The following VAV3 variants were observed in gnomAD, a reference collection of about 807,000 sequenced individuals.
The protein encoded by VAV3 is vav guanine nucleotide exchange factor 3.
In VAV3, 94 loss-of-function variants were observed where a neutral mutation model predicts 131.2. The observed-to-expected ratio is 0.72, with a 90% CI of 0.61 to 0.85. The LOEUF is 0.85. Ranked by LOEUF, VAV3 falls within the 40% of genes least tolerant of loss-of-function variation. VAV3 has a pLI of 0.00. For missense variants in VAV3, 939 were observed against 1,002.7 expected (o/e 0.94, Z 0.86); for synonymous variants, 349 against 342.0 (o/e 1.02, Z -0.22).
intron 20 of VAV3, among the ~76,000 whole-genome samples, chr1:107,625,787 T>C (rs1049636835): frequency 1.2e-4 from 18 of 152,192 alleles, no homozygotes; most frequent in African/African-American, 4.1e-4. Context: ...CCACAACTCT[T>C]AAGGGCATGT....
intron 2 of VAV3, among the ~76,000 whole-genome samples, chr1:107,812,901 A>G (rs541778766): frequency 6.6e-6 from 1 of 152,298 alleles, no homozygotes; most frequent in South Asian, 2.1e-4. Context: ...AGGCAGGCGG[A>G]TCACGAGATC....
At chr1:107,818,726 T>C (rs1667663327) in intron 2 of VAV3, among the ~76,000 whole-genome samples, 2 of 152,068 alleles carry the variant, frequency 1.3e-5, no homozygotes, top group Admixed American at 1.3e-4. Flanking sequence ...TATACATAAG[T>C]AGTAAAAATA....
intron 19 of VAV3, 58 bp from the exon 20 acceptor site, chr1:107,642,813 A>C: frequency 6.3e-7 from 1 of 1,598,606 alleles, no homozygotes; most frequent in East Asian, 2.2e-5. Context: ...TGAAGTCTAC[A>C]TGAACTTTAC....
chr1:107,609,072 T>G (rs1282626242), intron 22 of VAV3, among the ~76,000 whole-genome samples: 1 of 151,520 alleles, frequency 6.6e-6, no homozygotes, highest in Non-Finnish European at 1.5e-5. Context: ...TTGCATGCTC[T>G]GTTTCTTTGT....
chr1:107,575,710 T>G (rs548337237), intron 25 of VAV3, among the ~76,000 whole-genome samples: 1 of 152,212 alleles, frequency 6.6e-6, no homozygotes, highest in Non-Finnish European at 1.5e-5. Context: ...GCCACATTTT[T>G]TCTCATCTAT....
chr1:107,827,183 T>G (rs981058923), intron 2 of VAV3, among the ~76,000 whole-genome samples: 2 of 152,096 alleles, frequency 1.3e-5, no homozygotes, highest in African/African-American at 2.4e-5. Flanking sequence ...CTAAATAAAA[T>G]TTTCTGTGAC....
Position 107,964,723 on chromosome 1 carries a change from GT to G in VAV3, c.146del (p.Asn49ThrfsTer9). 1 of 1,614,100 alleles carries G rather than the reference GT, an allele frequency of 6.2e-7. No homozygotes were observed. The highest frequency in any genetic ancestry group is 1.1e-5 in the South Asian group (1 of 91,068). On this transcript the variant is annotated frameshift_variant, in exon 1 of 27. Transcript: ENST00000370056. LOFTEE classifies it high-confidence loss of function. ...TCAGGTTGATGGAGTGCGCCCGGAG[GT>G]TGTTAAGCAGCTGGCAGAGCAGGAC... ...DGVLLCQLLNNLRAHSINLKE... is the reference protein window; with the variant it reads ...DGVLLCQLLNXLRAHSINLKE...
intron 19 of VAV3, among the ~76,000 whole-genome samples, chr1:107,677,131 AT>A (rs373915330): frequency 3.9e-5 from 6 of 152,338 alleles, no homozygotes; most frequent in African/African-American, 1.4e-4. Flanking sequence ...AATTGCCAAT[AT>A]GAGTCATTTT....
At chr1:107,818,641 T>G (rs1667659575) in intron 2 of VAV3, among the ~76,000 whole-genome samples, 1 of 152,206 alleles carries the variant, frequency 6.6e-6, no homozygotes. Context: ...AAAAACAAGC[T>G]GGATTTTGTC....
chr1:107,609,235 T>C (rs1536664), intron 22 of VAV3, among the ~76,000 whole-genome samples: 56,084 of 152,014 alleles, frequency 0.37, 10,728 homozygotes, highest in Middle Eastern at 0.44. Flanking sequence ...AAATCCTAAA[T>C]ATATTTTTTA....
intron 2 of VAV3, among the ~76,000 whole-genome samples, chr1:107,795,308 C>G (rs1666483418): frequency 6.6e-6 from 1 of 152,198 alleles, no homozygotes. Context: ...CCTTTAAACC[C>G]TTGCCACAAT....
At chr1:107,799,395 C>T (rs1388111364) in intron 2 of VAV3, among the ~76,000 whole-genome samples, 1 of 151,300 alleles carries the variant, frequency 6.6e-6, no homozygotes, top group Non-Finnish European at 1.5e-5. Flanking sequence ...TACGAAGTTC[C>T]CCAATTTAAT....
chr1:107,745,915 A>C (rs1337867134), intron 15 of VAV3, among the ~76,000 whole-genome samples: 3 of 152,192 alleles, frequency 2.0e-5, no homozygotes, highest in South Asian at 4.1e-4. Context: ...GGGGAACTCA[A>C]GGGACTCGTG....
chr1:107,803,002 C>T (rs1328315531), intron 2 of VAV3, among the ~76,000 whole-genome samples: 2 of 151,364 alleles, frequency 1.3e-5, no homozygotes, highest in Admixed American at 6.6e-5. Context: ...CTTTTTATTA[C>T]GGCTTCAATC....
intron 2 of VAV3, among the ~76,000 whole-genome samples, chr1:107,818,830 C>T (rs748256540): frequency 1.3e-5 from 2 of 152,162 alleles, no homozygotes; most frequent in East Asian, 1.9e-4. Context: ...AGGTCCAGCC[C>T]TCCCCTCTCG....
intron 1 of VAV3, among the ~76,000 whole-genome samples, chr1:107,943,535 G>C (rs1674099644): frequency 6.6e-6 from 1 of 152,164 alleles, no homozygotes; most frequent in Non-Finnish European, 1.5e-5. Context: ...ACGAGGTCAA[G>C]AGATCGAGAC....
chr1:107,850,082 G>A (rs1470219004), intron 2 of VAV3, among the ~76,000 whole-genome samples: 1 of 152,176 alleles, frequency 6.6e-6, no homozygotes, highest in Admixed American at 6.5e-5. Context: ...AGATGCTGGA[G>A]AGGATATGGA....
At chr1:107,864,359 T>C (rs1669881463) in intron 2 of VAV3, among the ~76,000 whole-genome samples, 1 of 152,206 alleles carries the variant, frequency 6.6e-6, no homozygotes, top group Non-Finnish European at 1.5e-5. Flanking sequence ...TGGTGGCTCA[T>C]GCCTATAATC....
chr1:107,690,514 G>A (rs777486770), intron 17 of VAV3, among the ~76,000 whole-genome samples: 3 of 152,108 alleles, frequency 2.0e-5, no homozygotes, highest in African/African-American at 7.2e-5. Context: ...ACCCAGACAC[G>A]GCACTGATGA....
Sources: gnomAD v4.1 joint callset for allele counts (sites outside exome capture counted in the v4.1 genomes callset) on GRCh38, gnomAD v4.1.1 for gene constraint, MANE v1.5 for transcripts, NCBI Gene and HGNC (gene_info 2026-07-23, HGNC 2026-07-21) for gene names.